The following GTF2B variants were observed in gnomAD, a reference collection of about 807,000 sequenced individuals.
The protein encoded by GTF2B is transcription initiation factor IIB.
In GTF2B, 20 loss-of-function variants were observed where a neutral mutation model predicts 34.6. The observed-to-expected ratio is 0.58, with a 90% CI of 0.41 to 0.84. The LOEUF is 0.84. Ranked by LOEUF, GTF2B falls within the 40% of genes least tolerant of loss-of-function variation. The pLI, the probability that GTF2B is intolerant of heterozygous loss-of-function variation, is 0.00. For synonymous variants in GTF2B, 142 were observed against 132.4 expected, an observed-to-expected ratio of 1.07 and a Z score of -0.50; for missense variants, 237 against 393.3, an observed-to-expected ratio of 0.60 and a Z score of 3.36.
rs752312986 is a variant in GTF2B, at chr1:88,853,109, T to C, written c.*104A>G. The C allele has an allele frequency of 4.4e-5, 43 of 980,214 alleles. No homozygotes were observed. The highest frequency in any genetic ancestry group is 3.7e-4 in the South Asian group (29 of 77,646). The allele number at this position is 980,214 out of a possible 1,614,324, so 60.7% of individuals were successfully genotyped here. A position where few individuals can be genotyped will look rare whatever the true frequency, so the allele number is the denominator to read the frequency against. ...GTATTCAGCCCTGGAATGCGTACCATGTCTTTTGTTTTTCCTCATGAAAGG... is the reference window on the plus strand; with the variant it reads ...GTATTCAGCCCTGGAATGCGTACCACGTCTTTTGTTTTTCCTCATGAAAGG... On this transcript the variant is annotated 3_prime_UTR_variant, in exon 7 of 7. Coordinates refer to ENST00000370500, the MANE Select transcript of GTF2B (RefSeq NM_001514.6).
intron 6 of GTF2B, among the ~76,000 whole-genome samples, chr1:88,856,272 CAAAAAAA>C (rs377030804): frequency 4.2e-4 from 21 of 50,034 alleles, no homozygotes; most frequent in African/African-American, 1.9e-3. Context: ...GTTTCAAAAA[CAAAAAAA>C]AAAAAAAAAA....
chr1:88,865,837 T>C (rs1302713603), intron 2 of GTF2B, among the ~76,000 whole-genome samples: 1 of 142,370 alleles, frequency 7.0e-6, no homozygotes, highest in South Asian at 2.1e-4. Context: ...TGAAACTCCA[T>C]CTCAAAAAAA....
At chr1:88,883,742 A>G (rs1034051816) in intron 2 of GTF2B, among the ~76,000 whole-genome samples, 10 of 152,192 alleles carry the variant, frequency 6.6e-5, no homozygotes, top group Non-Finnish European at 1.5e-4. Flanking sequence ...TACTGGTTAA[A>G]TAACACAAGG....
intron 2 of GTF2B, among the ~76,000 whole-genome samples, chr1:88,879,045 G>C (rs950043880): frequency 6.6e-6 from 1 of 152,242 alleles, no homozygotes; most frequent in South Asian, 2.1e-4. Flanking sequence ...ACTAAGTTTT[G>C]AGGTAGTTTG....
At chr1:88,873,413 C>G (rs971123650) in intron 2 of GTF2B, among the ~76,000 whole-genome samples, 3 of 151,874 alleles carry the variant, frequency 2.0e-5, no homozygotes, top group Non-Finnish European at 4.4e-5. Context: ...GTTGGTCAGG[C>G]TGGTCTCAAA....
chr1:88,874,509 T>A (rs1176136486), intron 2 of GTF2B, among the ~76,000 whole-genome samples: 7 of 144,978 alleles, frequency 4.8e-5, no homozygotes, highest in Non-Finnish European at 1.1e-4. Context: ...TTTTTTTTTT[T>A]TTTTTTTTTT....
chr1:88,886,813 T>C (rs1014849260), intron 2 of GTF2B, among the ~76,000 whole-genome samples: 5 of 96,298 alleles, frequency 5.2e-5, no homozygotes, highest in East Asian at 2.5e-4. Context: ...TGTTTCCTAA[T>C]TGTTTTTTTG....
intron 2 of GTF2B, among the ~76,000 whole-genome samples, chr1:88,872,455 T>TAAAAAAAAAAAAAAAA (rs34668666): frequency 1.3e-5 from 1 of 74,836 alleles, no homozygotes; most frequent in Non-Finnish European, 2.5e-5. Context: ...TCCATCTCAA[T>TAAAAAAAAAAAAAAAA]AAAAAAAAAA....
chr1:88,887,352 T>C lies in GTF2B; in HGVS notation c.33A>G (p.Pro11=), dbSNP rs767664288. 3 of 1,604,724 alleles carry C rather than the reference T, an allele frequency of 1.9e-6. No homozygotes were observed. The African/African-American group carries it at 4.0e-5, about 21-fold the overall frequency. The change falls in exon 2 of 7, where the codon CCA becomes CCG. Residue 11 remains proline (P), a synonymous_variant. Coordinates refer to ENST00000370500, the MANE Select transcript of GTF2B (RefSeq NM_001514.6). Reference sequence around the variant, plus strand: ...CTGGATGGTTTGGACATGTGACTCTTGGAAGAGCATCCAAACTAAAAGAAA... The same window carrying C: ...CTGGATGGTTTGGACATGTGACTCTCGGAAGAGCATCCAAACTAAAAGAAA... MASTSRLDAL[P]RVTCPNHPDA... is the part of the protein sequence containing the mutation.
At chr1:88,869,344 G>A (rs1673634832) in intron 2 of GTF2B, among the ~76,000 whole-genome samples, 1 of 152,198 alleles carries the variant, frequency 6.6e-6, no homozygotes, top group Non-Finnish European at 1.5e-5. Flanking sequence ...GAGGGATGGA[G>A]TGAGTGTATT....
chr1:88,863,277 AAT>A (rs1475469170), intron 3 of GTF2B, among the ~76,000 whole-genome samples: 1 of 152,174 alleles, frequency 6.6e-6, no homozygotes, highest in Non-Finnish European at 1.5e-5. Flanking sequence ...TAAATTCACT[AAT>A]ATCAGAAAAG....
In GTF2B at chr1:88,873,790, T is replaced by C. The variant is rs559469739; in HGVS notation, c.125-9676A>G. Among the ~76,000 whole-genome samples, 12 of 152,084 alleles carry C rather than the reference T, an allele frequency of 7.9e-5. No individual in the cohort carries two copies. In the South Asian group the frequency reaches 1.9e-3, roughly 24 times the overall value. ...TCTTTTCTTATGACATAAACTAGAG[T>C]TGTACACATCTCTTCTAATACTTAC... On this transcript the variant is annotated intron_variant, in intron 2 of 6. Transcript: ENST00000370500.
intron 2 of GTF2B, among the ~76,000 whole-genome samples, chr1:88,884,705 T>C (rs1042021777): frequency 3.9e-5 from 6 of 152,254 alleles, no homozygotes; most frequent in Admixed American, 6.5e-5. Flanking sequence ...TTTCTGACCA[T>C]TGTTTTCCTG....
At chr1:88,884,947 A>G (rs1674027592) in intron 2 of GTF2B, among the ~76,000 whole-genome samples, 1 of 152,260 alleles carries the variant, frequency 6.6e-6, no homozygotes, top group African/African-American at 2.4e-5. Flanking sequence ...AAAATAGTGC[A>G]GTATGGCAAC....
At chr1:88,856,558 C>G (rs1276463886) in intron 6 of GTF2B, among the ~76,000 whole-genome samples, 3 of 151,770 alleles carry the variant, frequency 2.0e-5, no homozygotes, top group Non-Finnish European at 1.5e-5. Context: ...GCCTCCCTGA[C>G]CCCTAAGATT....
chr1:88,882,128 G>A (rs936709462), intron 2 of GTF2B, among the ~76,000 whole-genome samples: 1 of 151,872 alleles, frequency 6.6e-6, no homozygotes, highest in Non-Finnish European at 1.5e-5. Context: ...TGGACAACGT[G>A]GTGAAACCCT....
chr1:88,855,130 C>T (rs1673273842), intron 6 of GTF2B, among the ~76,000 whole-genome samples: 1 of 152,226 alleles, frequency 6.6e-6, no homozygotes, highest in Admixed American at 6.5e-5. Context: ...CAAGGACAAA[C>T]TGCCTAGCTG....
intron 2 of GTF2B, among the ~76,000 whole-genome samples, chr1:88,879,856 G>A (rs1162833211): frequency 6.6e-6 from 1 of 151,742 alleles, no homozygotes; most frequent in Non-Finnish European, 1.5e-5. Flanking sequence ...AGGAGTTTGA[G>A]ACCAGCCTGG....
At chr1:88,854,351 CA>C (rs1386097271) in intron 6 of GTF2B, among the ~76,000 whole-genome samples, 1 of 152,128 alleles carries the variant, frequency 6.6e-6, no homozygotes, top group Non-Finnish European at 1.5e-5. Context: ...CTCAAACGAA[CA>C]TTGTACAGAA....
Sources: gnomAD v4.1 joint callset for allele counts (sites outside exome capture counted in the v4.1 genomes callset) on GRCh38, gnomAD v4.1.1 for gene constraint, MANE v1.5 for transcripts, NCBI Gene and HGNC (gene_info 2026-07-23, HGNC 2026-07-21) for gene names.